Variants in NAV2 observed in about 807,000 individuals in gnomAD.
NAV2 encodes the protein helicase, APC down-regulated 1.
Under a neutral mutation model 223.2 loss-of-function variants are expected in NAV2, and 54 were observed. The ratio of observed to expected loss-of-function variants is 0.24; its 90% CI spans 0.19 to 0.30. NAV2 has a LOEUF of 0.30. Among genes scored for constraint, NAV2 ranks in the 10% least tolerant of loss-of-function variants. NAV2 has a pLI of 1.00. For synonymous variants in NAV2, 1,279 were observed against 1,239.3 expected (o/e 1.03, Z -0.67); for missense variants, 2,806 against 3,147.5 (o/e 0.89, Z 2.60).
At chr11:19,553,885 G>A (rs1254223119) in intron 1 of NAV2, among the ~76,000 whole-genome samples, 3 of 152,226 alleles carry the variant, frequency 2.0e-5, no homozygotes, top group African/African-American at 4.8e-5. Flanking sequence ...GGCCCAGAAT[G>A]GGTGGCAAAC....
rs2044583465 is a variant in NAV2, at chr11:19,548,660, A to G, written c.75+197633A>G. ...GAGGTGGGCGGATCATGAGGTCAGG[A>G]GATCGAGACCATCCTGGCTAACATG... On this transcript the variant is annotated intron_variant, in intron 1 of 37. Coordinates refer to the NAV2 transcript ENST00000360655. Among the ~76,000 whole-genome samples, 3 of 151,676 alleles carry G rather than the reference A, an allele frequency of 2.0e-5. No homozygotes were observed. The South Asian group carries it at 6.3e-4, about 32-fold the overall frequency.
At chr11:19,682,718 A>G (rs777361932) in intron 1 of NAV2, among the ~76,000 whole-genome samples, 1 of 152,116 alleles carries the variant, frequency 6.6e-6, no homozygotes, top group Non-Finnish European at 1.5e-5. Flanking sequence ...GAGGGCAGAG[A>G]TGCCACACAC....
Position 19,601,525 on chromosome 11 carries a change from T to A in NAV2, c.76-230959T>A, listed in dbSNP as rs182841398. Among the ~76,000 whole-genome samples, 16 of 152,282 alleles carry A rather than the reference T, an allele frequency of 1.1e-4. No homozygotes were observed. The East Asian group carries it at 3.1e-3, about 29-fold the overall frequency. The stretch of plus-strand genomic sequence containing the variant: ...CATAACTGAGTGGCATTTTTTCCTT[T>A]ATTCATTTATTTATCCATTGTGGTC... On this transcript the variant is annotated intron_variant, in intron 1 of 37. Transcript: ENST00000360655.
At chr11:19,699,948 C>G (rs1398651829) in intron 1 of NAV2, among the ~76,000 whole-genome samples, 2 of 152,180 alleles carry the variant, frequency 1.3e-5, no homozygotes, top group African/African-American at 4.8e-5. Context: ...GGAGGATCCC[C>G]GTGAGCCAGA....
chr11:19,733,004 G>C (rs1201271501), intron 1 of NAV2, among the ~76,000 whole-genome samples: 1 of 152,238 alleles, frequency 6.6e-6, no homozygotes, highest in Non-Finnish European at 1.5e-5. Flanking sequence ...GAACACAAAA[G>C]CAGCTTTGAA....
intron 1 of NAV2, among the ~76,000 whole-genome samples, chr11:19,362,202 T>C (rs753588739): frequency 2.9e-4 from 44 of 152,158 alleles, no homozygotes; most frequent in Non-Finnish European, 5.1e-4. Flanking sequence ...TTAGGTAACT[T>C]TCTTATAAGT....
chr11:19,360,261 C>T (rs953100030), intron 1 of NAV2, among the ~76,000 whole-genome samples: 1 of 152,182 alleles, frequency 6.6e-6, no homozygotes, highest in African/African-American at 2.4e-5. Context: ...TCATTCCCCA[C>T]CTTTGATGTA....
intron 6 of NAV2, among the ~76,000 whole-genome samples, chr11:19,915,441 A>G (rs1321166765): frequency 1.3e-5 from 2 of 152,000 alleles, no homozygotes; most frequent in African/African-American, 4.8e-5. Context: ...AGCTGGCCTC[A>G]TTTTTTTGCT....
At chr11:19,361,591 C>T (rs1305502746) in intron 1 of NAV2, among the ~76,000 whole-genome samples, 1 of 152,012 alleles carries the variant, frequency 6.6e-6, no homozygotes, top group East Asian at 1.9e-4. Flanking sequence ...GTCCTGAGGT[C>T]ACTACATGAA....
At chr11:19,467,331 G>T (rs528844238) in intron 1 of NAV2, among the ~76,000 whole-genome samples, 1 of 152,038 alleles carries the variant, frequency 6.6e-6, no homozygotes, top group African/African-American at 2.4e-5. Flanking sequence ...GCTGTTTTTA[G>T]TTTCTTCAAA....
intron 6 of NAV2, among the ~76,000 whole-genome samples, chr11:19,920,460 T>G (rs2044186211): frequency 6.6e-6 from 1 of 152,058 alleles, no homozygotes; most frequent in Non-Finnish European, 1.5e-5. Flanking sequence ...GCTAATTTTT[T>G]GTATTTTTAG....
rs185109293 is a variant in NAV2 at position 20,105,714 on chromosome 11, G to A, written c.6828G>A (p.Ser2276=). 47 of 1,612,232 alleles carry A rather than the reference G, an allele frequency of 2.9e-5. No homozygotes were observed. The highest frequency in any genetic ancestry group is 1.7e-4 in the African/African-American group (13 of 74,964). The stretch of plus-strand genomic sequence containing the variant: ...GCTTCCTGGAGGCTCACAGTTCCTC[G>A]GACGTCACCATCGGTGGGTGGGAGA... ...LNRFLEAHSS[S]DVTIGPRLFL... is the part of the protein sequence containing the mutation. Residue 2276 remains serine, a synonymous_variant, in exon 35 of 38, where the codon TCG becomes TCA. Coordinates refer to ENST00000349880, the MANE Select transcript of NAV2 (RefSeq NM_145117.5).
chr11:19,658,331 C>T (rs2048183474), intron 1 of NAV2, among the ~76,000 whole-genome samples: 1 of 152,134 alleles, frequency 6.6e-6, no homozygotes. Context: ...CACACAGAAA[C>T]TCATTCAATC....
chr11:19,728,354 C>G (rs137980200), intron 1 of NAV2, among the ~76,000 whole-genome samples: 151 of 152,318 alleles, frequency 9.9e-4, no homozygotes, highest in African/African-American at 3.5e-3. Context: ...TCCACCAGCC[C>G]TGATGTCTCC....
rs772068373 is a variant in NAV2, at chr11:20,054,040, T to C, written c.4482-40T>C. On this transcript the variant is annotated intron_variant, in intron 17 of 37. Transcript: ENST00000349880. ...TCCACAGAGTTCATTTTAATAAGCA[T>C]TGTTCATAGTTAATTCCGGCTTGAT... 1.9e-6 allele frequency: 3 copies of C among 1,597,400 alleles called. No homozygotes were observed. The East Asian group carries it at 6.7e-5, about 36-fold the overall frequency.
At chr11:19,475,929 C>T (rs1013771481) in intron 1 of NAV2, among the ~76,000 whole-genome samples, 15 of 152,342 alleles carry the variant, frequency 9.8e-5, no homozygotes, top group Admixed American at 9.8e-4. Flanking sequence ...TCAGTCTTCA[C>T]CATGACCTTT....
chr11:20,092,081 G>C, intron 27 of NAV2, 125 bp from the exon 28 acceptor site: 1 of 819,986 alleles, frequency 1.2e-6, no homozygotes, highest in Non-Finnish European at 2.0e-6. Context: ...CTCTCTGAGG[G>C]TGTTGTTCGC....
At chr11:19,490,688 T>A (rs1259188782) in intron 1 of NAV2, among the ~76,000 whole-genome samples, 3 of 152,226 alleles carry the variant, frequency 2.0e-5, no homozygotes, top group African/African-American at 7.2e-5. Context: ...AAGATTGGAA[T>A]CAACTTCTTC....
rs148940083 is a variant in NAV2, at chr11:19,764,655, T to C, written c.267+50693T>C. 4.6e-3 allele frequency among the ~76,000 whole-genome samples: 696 copies of C among 152,328 alleles called. 5 individuals are homozygous for C. Among genetic ancestry groups the C allele is most frequent in the South Asian group, 0.012 (60 of 4,824 alleles). ...GCCTTCAGTACATTCTTTTTTCTTT[T>C]CTTTTCTCCAATAGCATCAGTGACA... is the stretch of plus-strand genomic sequence containing the variant. On this transcript the variant is annotated intron_variant, in intron 1 of 37. Transcript: ENST00000349880.
Sources: allele counts gnomAD v4.1 joint callset (sites outside exome capture counted in the v4.1 genomes callset), GRCh38; gene constraint gnomAD v4.1.1; transcripts MANE v1.5; gene names NCBI Gene and HGNC (gene_info 2026-07-23, HGNC 2026-07-21).